The following CTNNA2 variants were observed in gnomAD, a reference collection of about 807,000 sequenced individuals.
The protein encoded by CTNNA2 is catenin alpha-2.
A neutral mutation model predicts 101.0 loss-of-function variants in CTNNA2; 42 were observed. The observed-to-expected ratio is 0.42, with a 90% confidence interval of 0.32 to 0.54. CTNNA2 has a LOEUF of 0.54. Ranked by LOEUF, CTNNA2 falls within the 20% of genes least tolerant of loss-of-function variation. The pLI, the probability that CTNNA2 is intolerant of heterozygous loss-of-function variation, is 0.14. For missense variants in CTNNA2, 871 were observed against 1,223.1 expected (o/e 0.71, Z 4.29); for synonymous variants, 450 against 456.4 (o/e 0.99, Z 0.18).
At chr2:79,928,504 C>T (rs572557094) in intron 7 of CTNNA2, among the ~76,000 whole-genome samples, 1 of 152,056 alleles carries the variant, frequency 6.6e-6, no homozygotes, top group Non-Finnish European at 1.5e-5. Flanking sequence ...ACATTGTGGT[C>T]GTTCAGGTTG....
At chr2:79,628,003 A>G (rs964048340) in intron 1 of CTNNA2, among the ~76,000 whole-genome samples, 1 of 152,198 alleles carries the variant, frequency 6.6e-6, no homozygotes, top group Non-Finnish European at 1.5e-5. Context: ...ATATATTTTT[A>G]TAGTGTACAC....
At chr2:80,528,163 G>T (rs1405415641) in intron 9 of CTNNA2, among the ~76,000 whole-genome samples, 2 of 152,102 alleles carry the variant, frequency 1.3e-5, no homozygotes, top group Non-Finnish European at 2.9e-5. Flanking sequence ...ATAGATCAGT[G>T]GTTCTCAACC....
At chr2:79,810,953 G>A (rs1390696764) in intron 3 of CTNNA2, among the ~76,000 whole-genome samples, 1 of 151,562 alleles carries the variant, frequency 6.6e-6, no homozygotes, top group Non-Finnish European at 1.5e-5. Context: ...TTGGTTCCAA[G>A]TCTTTGCTAT....
intron 7 of CTNNA2, chr2:80,027,972 C>CAAAAAAA (rs1177032489): frequency 5.6e-4 from 11 of 19,802 alleles, no homozygotes; most frequent in East Asian, 1.6e-3. Context: ...GACCCTGTCT[C>CAAAAAAA]AAAAAAAAAA....
chr2:79,670,348 G>A (rs1213125957), intron 2 of CTNNA2, among the ~76,000 whole-genome samples: 1 of 152,142 alleles, frequency 6.6e-6, no homozygotes, highest in Non-Finnish European at 1.5e-5. Flanking sequence ...GGGAGCTGTA[G>A]CCCCGCCCTC....
chr2:79,632,413 G>A (rs4852153), intron 1 of CTNNA2, among the ~76,000 whole-genome samples: 68,517 of 151,906 alleles, frequency 0.45, 17,260 homozygotes, highest in East Asian at 0.71. Flanking sequence ...ATCCTCTAAA[G>A]TAACAATAAA....
In CTNNA2 at chr2:80,135,488, C is replaced by T. The variant is rs1027347708; in HGVS notation, c.1056+225691C>T. ...AGAATTCAGAGGTCTGTAGAGGAAT[C>T]CTGCCTTACTGAGGTTGGGCAGATG... is the stretch of plus-strand genomic sequence containing the variant. On this transcript the variant is annotated intron_variant, in intron 7 of 18. Transcript: ENST00000402739. Among the ~76,000 whole-genome samples, 70 of 152,280 alleles carry T rather than the reference C, an allele frequency of 4.6e-4. 1 individual carries two copies. The highest frequency in any genetic ancestry group is 1.6e-3 in the African/African-American group (66 of 41,564).
chr2:80,029,733 T>C (rs760775754), intron 7 of CTNNA2, among the ~76,000 whole-genome samples: 1 of 151,728 alleles, frequency 6.6e-6, no homozygotes, highest in Non-Finnish European at 1.5e-5. Flanking sequence ...CATTATGTGG[T>C]AGAGGAGGTG....
At chr2:80,283,951 G>A (rs1674568720) in intron 7 of CTNNA2, among the ~76,000 whole-genome samples, 2 of 152,226 alleles carry the variant, frequency 1.3e-5, no homozygotes, top group Non-Finnish European at 2.9e-5. Context: ...GTTAATTCTA[G>A]GCATCATGCC....
chr2:79,272,410 G>C (rs1406188413), intron 2 of CTNNA2, among the ~76,000 whole-genome samples: 3 of 151,786 alleles, frequency 2.0e-5, no homozygotes, highest in Non-Finnish European at 4.4e-5. Flanking sequence ...AAACAAAAAT[G>C]GTGTATAATT....
rs1671372208 is a variant in CTNNA2, at chr2:80,246,914, A to C, written c.1057-146297A>C. ...TAAGAATCAAGGCCTATGGTACCTT[A>C]GTATGTCCTTGGAAATACAATTCCA... On this transcript the variant is annotated intron_variant, in intron 7 of 18. Transcript: ENST00000402739. 2.0e-5 allele frequency among the ~76,000 whole-genome samples: 3 copies of C among 152,340 alleles called. No individual in the cohort carries two copies. The South Asian group carries it at 6.2e-4, about 32-fold the overall frequency.
intron 3 of CTNNA2, among the ~76,000 whole-genome samples, chr2:79,825,436 G>A (rs754929954): frequency 6.6e-6 from 1 of 151,874 alleles, no homozygotes; most frequent in Non-Finnish European, 1.5e-5. Context: ...AATAAAGTGT[G>A]GTGTATATAA....
In CTNNA2 at chr2:79,345,736, A is replaced by G. The variant is rs142138741; in HGVS notation, c.-317-28095A>G. ...GAGACAGAGTTTCACTTTGTTGCCC[A>G]GGCTGGAGTGTAGTGGCACAGTTTC... is the stretch of plus-strand genomic sequence containing the variant. On this transcript the variant is annotated intron_variant, in intron 3 of 21. Coordinates refer to the CTNNA2 transcript ENST00000466387. 2.5e-3 allele frequency among the ~76,000 whole-genome samples: 378 copies of G among 152,260 alleles called. 4 individuals carry two copies. The highest frequency in any genetic ancestry group is 8.6e-3 in the African/African-American group (356 of 41,548).
chr2:79,441,052 G>C (rs1018068337), intron 4 of CTNNA2, among the ~76,000 whole-genome samples: 3 of 152,128 alleles, frequency 2.0e-5, no homozygotes, highest in African/African-American at 7.2e-5. Context: ...ATCATCTCAG[G>C]GAGAAAATTC....
intron 3 of CTNNA2, among the ~76,000 whole-genome samples, chr2:79,345,246 A>T (rs1475501616): frequency 6.6e-6 from 1 of 152,240 alleles, no homozygotes; most frequent in East Asian, 1.9e-4. Flanking sequence ...TTCTACATAC[A>T]CTGACCAGTT....
At chr2:80,186,824 C>T (rs182668086) in intron 7 of CTNNA2, among the ~76,000 whole-genome samples, 2 of 152,150 alleles carry the variant, frequency 1.3e-5, no homozygotes, top group Non-Finnish European at 2.9e-5. Context: ...TTTATGTCTC[C>T]TACAATTTCA....
intron 11 of CTNNA2, among the ~76,000 whole-genome samples, chr2:80,548,975 A>G (rs987827138): frequency 5.3e-5 from 8 of 152,238 alleles, no homozygotes; most frequent in Admixed American, 2.6e-4. Flanking sequence ...CTTTGTTTTT[A>G]AAAGATTGTA....
intron 18 of CTNNA2, among the ~76,000 whole-genome samples, chr2:80,625,844 G>T (rs1248090968): frequency 1.3e-5 from 2 of 152,008 alleles, no homozygotes; most frequent in African/African-American, 4.8e-5. Flanking sequence ...ACTAGGATTT[G>T]GGGCCAAAAA....
chr2:80,631,597 A>T (rs1672305516), intron 18 of CTNNA2, among the ~76,000 whole-genome samples: 1 of 152,030 alleles, frequency 6.6e-6, no homozygotes, highest in African/African-American at 2.4e-5. Context: ...AAGTACATTC[A>T]CTCCAGGAGA....
Sources: gnomAD v4.1 joint callset for allele counts (sites outside exome capture counted in the v4.1 genomes callset) on GRCh38, gnomAD v4.1.1 for gene constraint, MANE v1.5 for transcripts, NCBI Gene and HGNC (gene_info 2026-07-23, HGNC 2026-07-21) for gene names.